ATXN2L: variants seen among roughly 807,000 people sequenced by gnomAD.
ATXN2L encodes ataxin 2 like.
Under a neutral mutation model 120.7 loss-of-function variants are expected in ATXN2L, and 24 were observed. The observed-to-expected ratio is 0.20, with a 90% CI of 0.14 to 0.28. The LOEUF is 0.28. ATXN2L is among the 10% of genes least tolerant of loss of function. The pLI is 1.00. For synonymous variants in ATXN2L, 653 were observed against 568.1 expected, an observed-to-expected ratio of 1.15 and a Z score of -2.13; for missense variants, 1,312 against 1,432.3, an observed-to-expected ratio of 0.92 and a Z score of 1.36.
chr16:28,824,533 TC>T (rs1168216319), intron 1 of ATXN2L: 1 of 1,287,756 alleles, frequency 7.8e-7, no homozygotes, highest in Non-Finnish European at 1.0e-6. Context: ...CGATTGGTGA[TC>T]CCCGCAGAGT....
Position 28,835,076 on chromosome 16 carries a change from C to G in ATXN2L, c.2452C>G (p.Leu818Val). The G allele has an allele frequency of 6.2e-7, 1 of 1,613,190 alleles. No homozygotes were observed. Among genetic ancestry groups the G allele is most frequent in the Non-Finnish European group, 8.5e-7 (1 of 1,179,490 alleles). Residue 818 changes from leucine to valine, a missense_variant, in exon 19 of 22, where the codon CTT (leucine) becomes GTT (valine). Leu to Val is a conservative substitution (Grantham distance 32). Transcript: ENST00000336783. ...YPSQPVFAPM[L>V]QSNPRMLTSG... ...CCGCCAGCCGGTGTTTGCCCCCATG[C>G]TTCAGAGCAACCCACGCATGCTGAC... is the stretch of plus-strand genomic sequence containing the variant.
Position 28,832,262 on chromosome 16 carries a change from C to T in ATXN2L, c.1379C>T (p.Ala460Val). 6.2e-7 allele frequency: 1 copy of T among 1,614,208 alleles called. No individual in the cohort carries two copies. Among genetic ancestry groups the T allele is most frequent in the Non-Finnish European group, 8.5e-7 (1 of 1,180,036 alleles). ...PKSAAPAPIS[A>V]SCPEPPIGSA... ...TCTGCTGCCCCTGCCCCAATCTCAG[C>T]TTCCTGTCCAGAGCCTCCCATCGGC... The change falls in exon 11 of 22, where the codon GCT (alanine) becomes GTT (valine). Residue 460 changes from alanine (A) to valine (V), a missense_variant. By Grantham distance (64) the Ala-to-Val change is moderately conservative (BLOSUM62 0). Coordinates refer to ENST00000336783, the MANE Select transcript of ATXN2L (RefSeq NM_007245.4).
intron 1 of ATXN2L, chr16:28,824,378 G>A: frequency 8.0e-7 from 1 of 1,247,916 alleles, no homozygotes; most frequent in Non-Finnish European, 1.0e-6. Context: ...GGAAAGTCCC[G>A]TGGGTTTTAG....
chr16:28,832,656 C>CTGT, intron 12 of ATXN2L, 89 bp downstream of exon 12: 1 of 1,448,976 alleles, frequency 6.9e-7, no homozygotes, highest in Non-Finnish European at 9.7e-7. Flanking sequence ...AATTCAGAGG[C>CTGT]AAACAATGTC....
chr16:28,823,517 A>G lies in ATXN2L; in HGVS notation c.258A>G (p.Gln86=). 7.2e-7 allele frequency: 1 copy of G among 1,386,392 alleles called. No homozygotes were observed. The highest frequency in any genetic ancestry group is 9.3e-7 in the Non-Finnish European group (1 of 1,072,798). The allele number at this position is 1,386,392 out of a possible 1,614,324, so 85.9% of individuals were successfully genotyped here. ...ILAPQPPPPQ[Q]HQERPGAAAI... ...CGCCGCAGCCGCCGCCGCCGCAGCA[A>G]CACCAGGAGAGGCCGGGGGCAGCCG... The change falls in exon 1 of 22, where the codon CAA becomes CAG. Residue 86 remains glutamine, a synonymous_variant. Coordinates refer to ENST00000336783, the MANE Select transcript of ATXN2L (RefSeq NM_007245.4).
At chr16:28,834,783 C>G in intron 18 of ATXN2L, 90 bp downstream of exon 18, 2 of 1,440,966 alleles carry the variant, frequency 1.4e-6, no homozygotes, top group South Asian at 2.7e-5. Flanking sequence ...CTAGGGGTGG[C>G]AGGCAGTGTT....
rs778565755 is a variant in ATXN2L, at chr16:28,830,805, G to T, written c.1210+15G>T. 62 of 1,577,222 alleles carry T rather than the reference G, an allele frequency of 3.9e-5. No homozygotes were observed. Among genetic ancestry groups the T allele is most frequent in the Non-Finnish European group, 5.1e-5 (59 of 1,162,408 alleles). ...TATCAATGGAGGTGAGTTATGAGGT[G>T]ACTTTGAGGAAGAGGGCAGGGAAGG... On this transcript the variant is annotated intron_variant, in intron 9 of 21. Transcript: ENST00000336783.
Position 28,832,397 on chromosome 16 carries a change from A to G in ATXN2L, c.1514A>G (p.Asp505Gly), listed in dbSNP as rs1040065028. 4 of 1,614,004 alleles carry G rather than the reference A, an allele frequency of 2.5e-6. No homozygotes were observed. In the African/African-American group the frequency reaches 5.3e-5, roughly 22 times the overall value. ...ASPKISLAPT[D>G]VKELSTKEPG... is the part of the protein sequence containing the mutation. ...CCAAAGATCTCCCTGGCCCCCACAG[A>G]TGGTAAGAGCTAGGTGTTTGAGTGC... Residue 505 changes from aspartate (D) to glycine (G), a missense_variant and splice_region_variant, in exon 11 of 22, where the codon GAT becomes GGT. Physicochemically the swap from Asp to Gly is moderately conservative, Grantham distance 94 (BLOSUM62 -1). Transcript: ENST00000336783.
chr16:28,833,174 T>C lies in ATXN2L; in HGVS notation c.1775T>C (p.Met592Thr). Residue 592 changes from methionine (M) to threonine (T), a missense_variant, in exon 14 of 22, where the codon ATG becomes ACG. Physicochemically the swap from Met to Thr is moderately conservative, Grantham distance 81. Transcript: ENST00000336783. The stretch of plus-strand genomic sequence containing the variant: ...GATGGTCTGTTGACTTCAGAGCCCA[T>C]GGGGTCTCCCGTCTCCTCCAAGACA... ...EVDGLLTSEP[M>T]GSPVSSKTES... The C allele has an allele frequency of 6.2e-7, 1 of 1,614,142 alleles. No homozygotes were observed. Among genetic ancestry groups the C allele is most frequent in the Non-Finnish European group, 8.5e-7 (1 of 1,180,010 alleles).
intron 10 of ATXN2L, 38 bp from the exon 11 acceptor site, chr16:28,832,167 C>A (rs758138828): frequency 9.3e-6 from 15 of 1,609,772 alleles, no homozygotes; most frequent in Non-Finnish European, 1.2e-5. Context: ...TGCTGTTGAC[C>A]AGCAGTAACC....
Position 28,833,178 on chromosome 16 carries a change from G to A in ATXN2L, c.1779G>A (p.Gly593=), listed in dbSNP as rs1352319445. ...VDGLLTSEPM[G]SPVSSKTESV... is the part of the protein sequence containing the mutation. ...GTCTGTTGACTTCAGAGCCCATGGG[G>A]TCTCCCGTCTCCTCCAAGACAGAGT... Residue 593 remains glycine (G), a synonymous_variant, in exon 14 of 22, where the codon GGG becomes GGA. Transcript: ENST00000336783. 3 of 1,614,192 alleles carry A rather than the reference G, an allele frequency of 1.9e-6. No individual in the cohort carries two copies. Among genetic ancestry groups the A allele is most frequent in the Non-Finnish European group, 1.7e-6 (2 of 1,180,044 alleles).
intron 1 of ATXN2L, 41 bp downstream of exon 1, chr16:28,823,599 C>A: frequency 7.7e-7 from 1 of 1,293,230 alleles, no homozygotes; most frequent in South Asian, 2.3e-5. Flanking sequence ...CGCGGCCACC[C>A]AGAGGCTGTG....
rs922387346 is a variant in ATXN2L at position 28,823,153 on chromosome 16, C to T, written c.-107C>T. ...GCTCCCCCCGCCCGCCCACGGCGGGCCCCGGCTGCCCGATCCCCCTCGCTT... is the reference window on the plus strand; with the variant it reads ...GCTCCCCCCGCCCGCCCACGGCGGGTCCCGGCTGCCCGATCCCCCTCGCTT... On this transcript the variant is annotated 5_prime_UTR_variant, in exon 1 of 22. Coordinates refer to ENST00000336783, the MANE Select transcript of ATXN2L (RefSeq NM_007245.4). 1.3e-5 allele frequency: 8 copies of T among 604,790 alleles called. No individual in the cohort carries two copies. Among genetic ancestry groups the T allele is most frequent in the African/African-American group, 6.0e-5 (3 of 50,326 alleles). 37.5% of individuals were successfully genotyped at this position (604,790 alleles called of 1,614,324 possible). A position where few individuals can be genotyped will look rare whatever the true frequency, so the allele number is the denominator to read the frequency against.
Position 28,830,191 on chromosome 16 carries a change from G to A in ATXN2L, c.1034+133G>A. The A allele has an allele frequency of 5.8e-6, 5 of 854,824 alleles. No individual in the cohort carries two copies. The South Asian group carries it at 1.4e-4, about 25-fold the overall frequency. The allele number at this position is 854,824 out of a possible 1,614,324, so 53.0% of individuals were successfully genotyped here. A position where few individuals can be genotyped will look rare whatever the true frequency, so the allele number is the denominator to read the frequency against. On this transcript the variant is annotated intron_variant, in intron 8 of 21. Transcript: ENST00000336783. ...GTCATACACAGGTTTAGGAGGTTGA[G>A]GTAAAGCGAGATTATGTAATTTGCC...
At position 28,825,954 on chromosome 16, in the gene ATXN2L, G is replaced by C. The variant is rs569337087; in HGVS notation, c.465+113G>C. ...TCAGAGTATGCCTTTAGTTGTTTCT[G>C]TAGGCCTGTGCTGAATAGTGCTGCA... is the stretch of plus-strand genomic sequence containing the variant. On this transcript the variant is annotated intron_variant, in intron 4 of 21. Coordinates refer to ENST00000336783, the MANE Select transcript of ATXN2L (RefSeq NM_007245.4). 1.5e-3 allele frequency: 1,597 copies of C among 1,089,660 alleles called. 34 individuals are homozygous for C. The highest frequency in any genetic ancestry group is 2.8e-4 in the Non-Finnish European group (201 of 729,068). The allele number at this position is 1,089,660 out of a possible 1,614,324, so 67.5% of individuals were successfully genotyped here. A position where few individuals can be genotyped will look rare whatever the true frequency, so the allele number is the denominator to read the frequency against.
chr16:28,833,592 T>C, intron 15 of ATXN2L, 84 bp downstream of exon 15: 4 of 1,383,262 alleles, frequency 2.9e-6, no homozygotes, highest in Non-Finnish European at 4.1e-6. Flanking sequence ...GGAGGAACAC[T>C]TCACTTCCAG....
chr16:28,827,756 G>A lies in ATXN2L; in HGVS notation c.741+770G>A, dbSNP rs9926248. Among the ~76,000 whole-genome samples, 1,030 of 152,066 alleles carry A rather than the reference G, an allele frequency of 6.8e-3. 11 individuals carry two copies. The highest frequency in any genetic ancestry group is 0.023 in the African/African-American group (959 of 41,496). ...TGTCTCAAAAAAATAAATAAAAACC[G>A]CTCATGAATAGAGCTGAGCGTGGTG... On this transcript the variant is annotated intron_variant, in intron 6 of 21. Transcript: ENST00000336783.
intron 1 of ATXN2L, chr16:28,824,256 A>G: frequency 1.8e-6 from 2 of 1,137,988 alleles, no homozygotes; most frequent in Non-Finnish European, 2.2e-6. Flanking sequence ...GCAGTGCATG[A>G]GTAGTGGAGG....
At chr16:28,835,247 C>T in intron 19 of ATXN2L, 31 bp from the exon 20 acceptor site, 2 of 1,613,538 alleles carry the variant, frequency 1.2e-6, no homozygotes, top group East Asian at 2.2e-5. Context: ...CTGGTGTGCT[C>T]AGCACTGGTT....
Sources: allele counts gnomAD v4.1 joint callset (sites outside exome capture counted in the v4.1 genomes callset), GRCh38; gene constraint gnomAD v4.1.1; transcripts MANE v1.5; gene names NCBI Gene and HGNC (gene_info 2026-07-23, HGNC 2026-07-21).